Variants in NRXN1 observed in about 807,000 individuals in gnomAD.
The protein encoded by NRXN1 is neurexin 1.
NRXN1 carries 39 observed loss-of-function variants against 150.9 expected under a neutral mutation model. The ratio of observed to expected loss-of-function variants is 0.26; its 90% CI spans 0.20 to 0.34. NRXN1 has a LOEUF of 0.34. Among genes scored for constraint, NRXN1 ranks in the 10% least tolerant of loss-of-function variants. The pLI, the probability that NRXN1 is intolerant of heterozygous loss-of-function variation, is 1.00. For synonymous variants in NRXN1, 924 were observed against 757.0 expected (o/e 1.22, Z -3.62); for missense variants, 1,815 against 1,949.9 (o/e 0.93, Z 1.30).
intron 2 of NRXN1, among the ~76,000 whole-genome samples, chr2:50,981,457 C>CAAAAAAAAAAAA (rs70958635): frequency 8.6e-5 from 2 of 23,260 alleles, no homozygotes; most frequent in Non-Finnish European, 1.5e-4. Context: ...AACTCTATCT[C>CAAAAAAAAAAAA]AAAAAAAAAA....
chr2:50,245,636 C>A (rs2152891705), intron 17 of NRXN1, among the ~76,000 whole-genome samples: 1 of 151,888 alleles, frequency 6.6e-6, no homozygotes, highest in South Asian at 2.1e-4. Flanking sequence ...TTGTAGTTGC[C>A]TAGCAATGTC....
chr2:50,767,836 A>G (rs1702550082), intron 5 of NRXN1, among the ~76,000 whole-genome samples: 1 of 152,076 alleles, frequency 6.6e-6, no homozygotes, highest in African/African-American at 2.4e-5. Context: ...TTACATTTTA[A>G]TATTTAAGTA....
At chr2:50,270,689 G>A (rs1243943723) in intron 17 of NRXN1, among the ~76,000 whole-genome samples, 2 of 98,298 alleles carry the variant, frequency 2.0e-5, no homozygotes, top group South Asian at 6.5e-4. Context: ...TTTTTTTTTT[G>A]AAACAGAGTC....
intron 17 of NRXN1, among the ~76,000 whole-genome samples, chr2:50,413,238 AAAT>A (rs2083312536): frequency 6.6e-6 from 1 of 152,238 alleles, no homozygotes; most frequent in Admixed American, 6.5e-5. Flanking sequence ...ACTTTACAGA[AAAT>A]AATCTAATGA....
chr2:51,022,115 C>T (rs1477296301), intron 2 of NRXN1, among the ~76,000 whole-genome samples: 2 of 151,954 alleles, frequency 1.3e-5, no homozygotes, highest in African/African-American at 2.4e-5. Flanking sequence ...AAGTTCTATA[C>T]ATTTAAATTT....
intron 5 of NRXN1, among the ~76,000 whole-genome samples, chr2:50,905,029 G>A (rs1683475814): frequency 6.6e-6 from 1 of 151,958 alleles, no homozygotes; most frequent in East Asian, 1.9e-4. Flanking sequence ...CCCACTGAAA[G>A]AACAAGACCC....
At position 50,472,234 on chromosome 2, in the gene NRXN1, A is replaced by G. The variant is rs2089548567; in HGVS notation, c.3244+64T>C. On this transcript the variant is annotated intron_variant, in intron 16 of 22. Coordinates refer to ENST00000401669, the MANE Select transcript of NRXN1 (RefSeq NM_001330078.2). ...TATCAGAATTTTGCTGGACAGTGAG[A>G]TTCACTCTCAGTTAGACAGGTGGAA... 3.0e-6 allele frequency: 4 copies of G among 1,351,326 alleles called. 1 individual carries two copies. The highest frequency in any genetic ancestry group is 3.9e-4 in the Middle Eastern group (2 of 5,160). The allele number at this position is 1,351,326 out of a possible 1,614,324, so 83.7% of individuals were successfully genotyped here.
At chr2:50,136,246 G>A (rs1176504901) in intron 18 of NRXN1, among the ~76,000 whole-genome samples, 2 of 151,922 alleles carry the variant, frequency 1.3e-5, no homozygotes, top group Admixed American at 6.6e-5. Flanking sequence ...CCTGACTTAC[G>A]CCAAGAGAAA....
chr2:50,528,322 G>C (rs998745986), intron 12 of NRXN1, among the ~76,000 whole-genome samples: 1 of 152,006 alleles, frequency 6.6e-6, no homozygotes, highest in Non-Finnish European at 1.5e-5. Context: ...GTTATGAAGA[G>C]AACAACTGGA....
At chr2:50,880,272 T>G (rs1679231215) in intron 5 of NRXN1, among the ~76,000 whole-genome samples, 1 of 151,974 alleles carries the variant, frequency 6.6e-6, no homozygotes, top group South Asian at 2.1e-4. Context: ...ACTCACCCAG[T>G]ATCAGGTTAT....
At chr2:50,702,356 G>A (rs79742499) in intron 5 of NRXN1, among the ~76,000 whole-genome samples, 1 of 147,576 alleles carries the variant, frequency 6.8e-6, no homozygotes. Context: ...ATGTTGTAAT[G>A]AAAAAAAAAA....
At chr2:50,564,516 G>A (rs536485089) in intron 8 of NRXN1, among the ~76,000 whole-genome samples, 36 of 152,196 alleles carry the variant, frequency 2.4e-4, no homozygotes, top group Admixed American at 1.3e-3. Context: ...TATTTTTAAA[G>A]TAATATTTTT....
At chr2:50,181,095 G>T (rs1449043028) in intron 18 of NRXN1, among the ~76,000 whole-genome samples, 1 of 151,822 alleles carries the variant, frequency 6.6e-6, no homozygotes, top group East Asian at 1.9e-4. Context: ...AGAGTTTTAA[G>T]GTATTCACAA....
intron 5 of NRXN1, among the ~76,000 whole-genome samples, chr2:50,686,272 T>C (rs1691219500): frequency 6.6e-6 from 1 of 152,182 alleles, no homozygotes; most frequent in Admixed American, 6.5e-5. Flanking sequence ...GAAGTTATTA[T>C]CCACATTTAC....
intron 18 of NRXN1, among the ~76,000 whole-genome samples, chr2:50,215,588 G>A (rs889554896): frequency 1.3e-4 from 20 of 151,822 alleles, no homozygotes; most frequent in African/African-American, 4.8e-4. Context: ...TTATCCACAG[G>A]CCTTAATTTT....
intron 17 of NRXN1, among the ~76,000 whole-genome samples, chr2:50,291,150 C>G (rs1300586218): frequency 4.3e-5 from 6 of 138,134 alleles, no homozygotes; most frequent in African/African-American, 1.8e-4. Flanking sequence ...AAAAAAAAGG[C>G]TCTGAATTAA....
chr2:50,555,905 A>G (rs1446134481), intron 8 of NRXN1, among the ~76,000 whole-genome samples: 1 of 152,180 alleles, frequency 6.6e-6, no homozygotes, highest in African/African-American at 2.4e-5. Flanking sequence ...TCCTTTTAGA[A>G]CGAAGAATGC....
At chr2:50,533,695 C>A (rs1342934226) in intron 10 of NRXN1, among the ~76,000 whole-genome samples, 2 of 152,184 alleles carry the variant, frequency 1.3e-5, no homozygotes, top group Non-Finnish European at 2.9e-5. Flanking sequence ...CAGTCCATCT[C>A]TCTGGCCTCA....
At chr2:50,950,007 T>A (rs534389523) in intron 2 of NRXN1, among the ~76,000 whole-genome samples, 2 of 152,206 alleles carry the variant, frequency 1.3e-5, no homozygotes, top group South Asian at 4.1e-4. Flanking sequence ...AGGAGGAGAT[T>A]AATTGAAGTA....
Sources: allele counts gnomAD v4.1 joint callset (sites outside exome capture counted in the v4.1 genomes callset), GRCh38; gene constraint gnomAD v4.1.1; transcripts MANE v1.5; gene names NCBI Gene and HGNC (gene_info 2026-07-23, HGNC 2026-07-21).